Variants in MDH1B observed in about 807,000 individuals in gnomAD.
The protein encoded by MDH1B is putative malate dehydrogenase 1B.
MDH1B carries 60 observed loss-of-function variants against 61.4 expected under a neutral mutation model. That is an observed-to-expected ratio of 0.98 (90% CI 0.79 to 1.21). MDH1B has a LOEUF of 1.21. Ranked by LOEUF, MDH1B falls within the 50% of genes most tolerant of loss-of-function variation. The pLI, the probability that MDH1B is intolerant of heterozygous loss-of-function variation, is 0.00. For synonymous variants in MDH1B, 236 were observed against 218.7 expected (o/e 1.08, Z -0.70); for missense variants, 587 against 632.1 (o/e 0.93, Z 0.76).
chr2:206,751,588 A>C (rs2105934920), intron 5 of MDH1B, among the ~76,000 whole-genome samples: 1 of 152,350 alleles, frequency 6.6e-6, no homozygotes, highest in African/African-American at 2.4e-5. Flanking sequence ...CCTGGGCAAC[A>C]TCTTAGTCAA....
In MDH1B at chr2:206,755,400, C is replaced by T. The variant is rs111448923; in HGVS notation, c.519G>A (p.Ala173=). 24 of 1,614,244 alleles carry T rather than the reference C, an allele frequency of 1.5e-5. No homozygotes were observed. The highest frequency in any genetic ancestry group is 2.7e-5 in the African/African-American group (2 of 75,070). ...CCACAAGGCTTTTGAGATGTTCTTC[C>T]GCCTGCTTGTTGTCAAATAGAGTTA... ...ISITLFDNKQ[A]EEHLKSLVVE... Residue 173 remains alanine (A), a synonymous_variant, in exon 5 of 12, where the codon GCG becomes GCA. Coordinates refer to ENST00000374412, the MANE Select transcript of MDH1B (RefSeq NM_001039845.3).
chr2:206,762,508 A>G (rs1435130930), intron 1 of MDH1B, among the ~76,000 whole-genome samples: 1 of 152,090 alleles, frequency 6.6e-6, no homozygotes, highest in Admixed American at 6.6e-5. Context: ...AGAGTCTTGT[A>G]TCTGTTTCTA....
chr2:206,764,400 T>C (rs879739604), intron 1 of MDH1B, among the ~76,000 whole-genome samples: 1 of 152,034 alleles, frequency 6.6e-6, no homozygotes, highest in African/African-American at 2.4e-5. Flanking sequence ...TAAAAGTCAG[T>C]GGTGACTTTG....
intron 6 of MDH1B, among the ~76,000 whole-genome samples, chr2:206,750,561 C>T (rs751145771): frequency 6.6e-6 from 1 of 151,848 alleles, no homozygotes; most frequent in African/African-American, 2.4e-5. Context: ...AATGCCCAGC[C>T]TGGCCTGTGC....
At chr2:206,758,963 G>T (rs78288802) in intron 2 of MDH1B, among the ~76,000 whole-genome samples, 1,834 of 108,600 alleles carry the variant, frequency 0.017, 33 homozygotes, top group African/African-American at 0.061. Context: ...AAGGCTGTTT[G>T]TTTTTTTTTT....
Position 206,755,080 on chromosome 2 carries a change from A to G in MDH1B, c.839T>C (p.Ile280Thr), listed in dbSNP as rs767323647. Residue 280 changes from isoleucine (I) to threonine (T), a missense_variant, in exon 5 of 12, where the codon ATT (isoleucine) becomes ACT (threonine). Ile to Thr is a moderately conservative substitution (Grantham distance 89, BLOSUM62 -1). Coordinates refer to ENST00000374412, the MANE Select transcript of MDH1B (RefSeq NM_001039845.3). ...RYAPRIAHNI[I>T]AVALGVEGEA... ...ACCTTCCACCCCCAGCGCCACAGCA[A>G]TAATGTTGTGTGCAATGCGTGGGGC... is the stretch of plus-strand genomic sequence containing the variant. The G allele has an allele frequency of 1.2e-6, 2 of 1,614,214 alleles. No homozygotes were observed. The highest frequency in any genetic ancestry group is 2.2e-5 in the South Asian group (2 of 91,092).
chr2:206,764,623 A>G (rs1242115749), intron 1 of MDH1B, among the ~76,000 whole-genome samples: 1 of 152,218 alleles, frequency 6.6e-6, no homozygotes, highest in Admixed American at 6.5e-5. Flanking sequence ...CTGCCAAGAC[A>G]GGCTTCCTAA....
At chr2:206,749,706 A>G (rs1688325119) in intron 6 of MDH1B, among the ~76,000 whole-genome samples, 1 of 152,212 alleles carries the variant, frequency 6.6e-6, no homozygotes, top group Non-Finnish European at 1.5e-5. Flanking sequence ...CCTTATACAC[A>G]TAGCCTGAAG....
intron 9 of MDH1B, among the ~76,000 whole-genome samples, chr2:206,744,142 T>C (rs1016215724): frequency 1.3e-5 from 2 of 152,220 alleles, no homozygotes; most frequent in South Asian, 2.1e-4. Flanking sequence ...CAAGTTGATA[T>C]GTACTTTCCT....
In MDH1B at chr2:206,761,022, G is replaced by T. The variant is rs771971798; in HGVS notation, c.23-9C>A. Reference sequence around the variant, plus strand: ...TGGACAATCTGCTCTACCTAAAAGAGTTCAAATTAGCAATGTTTTCTTTCA... The same window carrying T: ...TGGACAATCTGCTCTACCTAAAAGATTTCAAATTAGCAATGTTTTCTTTCA... On this transcript the variant is annotated splice_polypyrimidine_tract_variant and intron_variant, in intron 1 of 11. Transcript: ENST00000374412. 6 of 1,416,486 alleles carry T rather than the reference G, an allele frequency of 4.2e-6. No individual in the cohort carries two copies. Among genetic ancestry groups the T allele is most frequent in the South Asian group, 3.7e-5 (3 of 80,694 alleles). The allele number at this position is 1,416,486 out of a possible 1,614,324, so 87.7% of individuals were successfully genotyped here.
chr2:206,759,760 C>T (rs1450705585), intron 2 of MDH1B, among the ~76,000 whole-genome samples: 1 of 152,202 alleles, frequency 6.6e-6, no homozygotes. Flanking sequence ...CCTGAACTCC[C>T]TGGCAATTGA....
chr2:206,746,950 A>G (rs908692000), intron 7 of MDH1B, among the ~76,000 whole-genome samples: 12 of 152,170 alleles, frequency 7.9e-5, no homozygotes, highest in African/African-American at 2.9e-4. Context: ...CTATGTCTTA[A>G]GCAGAAGCCA....
chr2:206,753,425 G>A (rs1688566395), intron 5 of MDH1B, among the ~76,000 whole-genome samples: 1 of 152,148 alleles, frequency 6.6e-6, no homozygotes, highest in African/African-American at 2.4e-5. Flanking sequence ...TGGAATTACA[G>A]GTGTGAGCCA....
At chr2:206,761,043 T>C (rs770998026) in intron 1 of MDH1B, 30 bp from the exon 2 acceptor site, 6 of 1,198,656 alleles carry the variant, frequency 5.0e-6, no homozygotes, top group Non-Finnish European at 7.4e-6. Context: ...CAATGTTTTC[T>C]TTCATCATGC....
chr2:206,756,835 T>C, intron 4 of MDH1B, 63 bp downstream of exon 4: 1 of 1,567,176 alleles, frequency 6.4e-7, no homozygotes. Context: ...ATTAATCCCA[T>C]CTCATTGTCC....
intron 9 of MDH1B, among the ~76,000 whole-genome samples, chr2:206,745,079 A>G (rs1170999518): frequency 1.3e-5 from 2 of 152,096 alleles, no homozygotes; most frequent in Non-Finnish European, 2.9e-5. Flanking sequence ...CTTGAATGCA[A>G]TGACTGGTAT....
rs770883203 is a variant in MDH1B at position 206,749,174 on chromosome 2, T to C, written c.1062A>G (p.Val354=). The change falls in exon 7 of 12, where the codon GTA becomes GTG. Residue 354 remains valine (V), a synonymous_variant. Transcript: ENST00000374412. The part of the protein sequence containing the change: ...VLNLIFDSEW[V]KREFVAILKN... Reference sequence around the variant, plus strand: ...TAAGAATTGCCACAAATTCTCTTTTTACCCACTCACTGTAAGGAGAGAAAG... The same window carrying C: ...TAAGAATTGCCACAAATTCTCTTTTCACCCACTCACTGTAAGGAGAGAAAG... 1 of 1,614,048 alleles carries C rather than the reference T, an allele frequency of 6.2e-7. No homozygotes were observed. The highest frequency in any genetic ancestry group is 8.5e-7 in the Non-Finnish European group (1 of 1,179,958).
At chr2:206,757,514 G>C in intron 2 of MDH1B, 143 bp from the exon 3 acceptor site, 1 of 601,052 alleles carries the variant, frequency 1.7e-6, no homozygotes. Flanking sequence ...TCTTCAAAGA[G>C]TAAAATGTAA....
chr2:206,750,107 T>C (rs1230215873), intron 6 of MDH1B, among the ~76,000 whole-genome samples: 1 of 151,954 alleles, frequency 6.6e-6, no homozygotes, highest in Non-Finnish European at 1.5e-5. Context: ...GAAGCTCCTA[T>C]GGTCTGAGGA....
Sources: gnomAD v4.1 joint callset for allele counts (sites outside exome capture counted in the v4.1 genomes callset) on GRCh38, gnomAD v4.1.1 for gene constraint, MANE v1.5 for transcripts, NCBI Gene and HGNC (gene_info 2026-07-23, HGNC 2026-07-21) for gene names.